COP1: variants seen among roughly 807,000 people sequenced by gnomAD.
COP1 encodes the protein COP1 E3 ubiquitin ligase.
In COP1, 24 loss-of-function variants were observed where a neutral mutation model predicts 101.3. That is an observed-to-expected ratio of 0.24 (90% CI 0.17 to 0.33). COP1 has a LOEUF of 0.33. Among genes scored for constraint, COP1 ranks in the 10% least tolerant of loss-of-function variants. COP1 has a pLI of 1.00. For synonymous variants in COP1, 347 were observed against 341.9 expected, an observed-to-expected ratio of 1.01 and a Z score of -0.17; for missense variants, 663 against 906.2, an observed-to-expected ratio of 0.73 and a Z score of 3.45.
chr1:176,173,227 T>C (rs886588406), intron 3 of COP1, among the ~76,000 whole-genome samples: 5 of 147,096 alleles, frequency 3.4e-5, no homozygotes, highest in Non-Finnish European at 7.5e-5. Context: ...AGGAGAATCA[T>C]GTGAGCCCAG....
rs1370047067 is a variant in COP1, at chr1:176,091,358, AC to A, written c.1027-5469del. Among the ~76,000 whole-genome samples the A allele has an allele frequency of 2.7e-3, 210 of 77,528 alleles. 1 individual carries two copies. The highest frequency in any genetic ancestry group is 6.7e-3 in the African/African-American group (200 of 29,690). 50.9% of individuals were successfully genotyped at this position (77,528 alleles called of 152,430 possible). ...GAGACTCCGTCTCAAAAAAAAAAAA[AC>A]AAAAAAAAAAACTTCTGAAGTTGTG... On this transcript the variant is annotated intron_variant, in intron 9 of 19. Coordinates refer to ENST00000367669, the MANE Select transcript of COP1 (RefSeq NM_022457.7).
intron 15 of COP1, among the ~76,000 whole-genome samples, chr1:176,005,143 G>A (rs528801997): frequency 2.0e-5 from 3 of 152,128 alleles, no homozygotes; most frequent in South Asian, 2.1e-4. Context: ...TTTGTGTAGA[G>A]GTGTTTGTAG....
chr1:175,949,799 C>A (rs540094995), intron 18 of COP1, among the ~76,000 whole-genome samples: 130 of 152,270 alleles, frequency 8.5e-4, no homozygotes, highest in Middle Eastern at 3.4e-3. Context: ...GTCTAGTCAC[C>A]TTTTAATATA....
At chr1:176,115,562 C>T (rs1171036356) in intron 9 of COP1, among the ~76,000 whole-genome samples, 7 of 152,032 alleles carry the variant, frequency 4.6e-5, no homozygotes, top group Non-Finnish European at 8.8e-5. Context: ...TCCTGGCTAA[C>T]ATGGTGAAAC....
At position 176,027,665 on chromosome 1, in the gene COP1, C is replaced by A; in HGVS notation, c.1636G>T (p.Asp546Tyr). 6.2e-7 allele frequency: 1 copy of A among 1,612,264 alleles called. No homozygotes were observed. The highest frequency in any genetic ancestry group is 8.5e-7 in the Non-Finnish European group (1 of 1,178,492). The change falls in exon 15 of 20, where the codon GAC becomes TAC. Residue 546 changes from aspartate (D) to tyrosine (Y), a missense_variant. This residue lies in a region of COP1 where 209 missense variants were observed against 383.3 expected (regional missense o/e 0.55). Transcript: ENST00000367669. ...AKVKLWSTNLDNSVASIEAKA... is the reference protein window; with the variant it reads ...AKVKLWSTNLYNSVASIEAKA... Reference sequence around the variant, plus strand: ...GCCTCAATGCTTGCCACTGAGTTGTCTAGATTGGTAGACCACAGCTTCACT... The same window carrying A: ...GCCTCAATGCTTGCCACTGAGTTGTATAGATTGGTAGACCACAGCTTCACT...
At chr1:175,947,471 A>C (rs1649331775) in intron 18 of COP1, 2 of 427,786 alleles carry the variant, frequency 4.7e-6, no homozygotes, top group Non-Finnish European at 8.5e-6. Context: ...CCTGGGTTCA[A>C]GCGATTCTCC....
At chr1:176,193,957 T>C (rs1388318931) in intron 1 of COP1, among the ~76,000 whole-genome samples, 1 of 152,218 alleles carries the variant, frequency 6.6e-6, no homozygotes, top group Admixed American at 6.5e-5. Flanking sequence ...ACCTCATTTT[T>C]TTAAACAAAA....
intron 9 of COP1, among the ~76,000 whole-genome samples, chr1:176,106,771 C>A (rs553762968): frequency 1.3e-5 from 2 of 152,222 alleles, no homozygotes; most frequent in Non-Finnish European, 1.5e-5. Flanking sequence ...AGTAACAGCA[C>A]AGCGGCTCTG....
chr1:176,102,390 A>G (rs1032514398), intron 9 of COP1, among the ~76,000 whole-genome samples: 6 of 152,142 alleles, frequency 3.9e-5, no homozygotes, highest in South Asian at 2.1e-4. Flanking sequence ...CAACAATATC[A>G]CTACACACAT....
chr1:175,953,853 G>C (rs1302560538), intron 18 of COP1, among the ~76,000 whole-genome samples: 1 of 151,062 alleles, frequency 6.6e-6, no homozygotes, highest in East Asian at 1.9e-4. Context: ...CTCATGTTTG[G>C]AACTTTTAAC....
chr1:176,013,441 T>G (rs2148967857), intron 15 of COP1, among the ~76,000 whole-genome samples: 1 of 152,316 alleles, frequency 6.6e-6, no homozygotes, highest in Admixed American at 6.5e-5. Context: ...TCTTAATGAA[T>G]CATTATAAAG....
intron 5 of COP1, among the ~76,000 whole-genome samples, chr1:176,162,360 G>A (rs1415595333): frequency 6.6e-6 from 1 of 152,066 alleles, no homozygotes; most frequent in Admixed American, 6.6e-5. Flanking sequence ...GTCTTTAACA[G>A]TTACGTAAAA....
At chr1:175,975,812 T>C (rs1457092941) in intron 18 of COP1, among the ~76,000 whole-genome samples, 1 of 152,224 alleles carries the variant, frequency 6.6e-6, no homozygotes, top group Non-Finnish European at 1.5e-5. Flanking sequence ...GACAATCATG[T>C]ACTGGATAAA....
chr1:176,162,663 T>C (rs886829917), intron 5 of COP1, among the ~76,000 whole-genome samples: 6 of 152,216 alleles, frequency 3.9e-5, no homozygotes, highest in African/African-American at 1.2e-4. Context: ...AAACTGGTCA[T>C]TGCAAATAAG....
intron 6 of COP1, among the ~76,000 whole-genome samples, chr1:176,145,882 T>C (rs1351318865): frequency 2.6e-5 from 4 of 152,174 alleles, no homozygotes; most frequent in Admixed American, 2.0e-4. Flanking sequence ...GGAAGATGAC[T>C]GCAATCCAAA....
intron 15 of COP1, among the ~76,000 whole-genome samples, chr1:176,020,537 G>A (rs1252572165): frequency 1.3e-5 from 2 of 151,932 alleles, no homozygotes; most frequent in African/African-American, 4.8e-5. Context: ...GATTAGCCAG[G>A]CGAGGTAGTG....
intron 18 of COP1, among the ~76,000 whole-genome samples, chr1:175,965,545 GAA>G (rs1001979907): frequency 1.3e-5 from 2 of 151,404 alleles, no homozygotes; most frequent in African/African-American, 4.9e-5. Context: ...GGAGCTCAGA[GAA>G]ATTCATTTCA....
At chr1:176,093,763 C>T (rs1049069260) in intron 9 of COP1, among the ~76,000 whole-genome samples, 4 of 152,132 alleles carry the variant, frequency 2.6e-5, no homozygotes, top group Admixed American at 2.6e-4. Context: ...TGCTGTGAAC[C>T]TGGGAGGCGG....
At chr1:175,980,153 C>A (rs1220645832) in intron 18 of COP1, among the ~76,000 whole-genome samples, 3 of 152,058 alleles carry the variant, frequency 2.0e-5, no homozygotes, top group Non-Finnish European at 4.4e-5. Flanking sequence ...TAAGGAAATT[C>A]AGCAAGGTCA....
Sources: allele counts gnomAD v4.1 joint callset (sites outside exome capture counted in the v4.1 genomes callset), GRCh38; gene constraint gnomAD v4.1.1; regional missense constraint gnomAD v4.1.1; transcripts MANE v1.5; gene names NCBI Gene and HGNC (gene_info 2026-07-23, HGNC 2026-07-21).